The following ROCK1 variants were observed in gnomAD, a reference collection of about 807,000 sequenced individuals.
The protein encoded by ROCK1 is rho-associated protein kinase 1.
In ROCK1, 36 loss-of-function variants were observed where a neutral mutation model predicts 196.8. That is an observed-to-expected ratio of 0.18 (90% CI 0.14 to 0.24). ROCK1 has a LOEUF of 0.24. Among genes scored for constraint, ROCK1 ranks in the 10% least tolerant of loss-of-function variants. The pLI is 1.00. For synonymous variants in ROCK1, 443 were observed against 515.9 expected (o/e 0.86, Z 1.91); for missense variants, 920 against 1,562.0 (o/e 0.59, Z 6.93).
intron 22 of ROCK1, among the ~76,000 whole-genome samples, chr18:20,972,163 A>T (rs2035435303): frequency 6.6e-6 from 1 of 152,148 alleles, no homozygotes; most frequent in Non-Finnish European, 1.5e-5. Flanking sequence ...AAGTGATTAG[A>T]GTCTATACAT....
intron 11 of ROCK1, among the ~76,000 whole-genome samples, chr18:21,022,128 A>G (rs1240657179): frequency 6.6e-6 from 1 of 151,960 alleles, no homozygotes; most frequent in Non-Finnish European, 1.5e-5. Flanking sequence ...TGTTAAAAAT[A>G]TGTAGGCTTG....
intron 2 of ROCK1, among the ~76,000 whole-genome samples, chr18:21,062,510 T>A (rs2036300289): frequency 6.6e-6 from 1 of 152,108 alleles, no homozygotes. Context: ...GAAATAAATA[T>A]ATGCAGTTTA....
chr18:20,995,650 G>A (rs1410879655), intron 16 of ROCK1, among the ~76,000 whole-genome samples: 1 of 152,112 alleles, frequency 6.6e-6, no homozygotes, highest in Non-Finnish European at 1.5e-5. Context: ...CAGTGGTGGT[G>A]GCTACAAGGG....
chr18:21,068,320 A>T (rs1341268038), intron 2 of ROCK1, among the ~76,000 whole-genome samples: 1 of 152,186 alleles, frequency 6.6e-6, no homozygotes, highest in Non-Finnish European at 1.5e-5. Flanking sequence ...ACTTGCATGC[A>T]CAGGTCTATT....
intron 2 of ROCK1, among the ~76,000 whole-genome samples, chr18:21,065,780 G>A (rs1257199806): frequency 1.3e-5 from 2 of 151,908 alleles, no homozygotes; most frequent in Non-Finnish European, 2.9e-5. Flanking sequence ...TATTATTTAG[G>A]TATCATACAC....
At chr18:20,953,422 A>G in intron 32 of ROCK1, 156 bp downstream of exon 32, 3 of 514,358 alleles carry the variant, frequency 5.8e-6, no homozygotes, top group Non-Finnish European at 1.0e-5. Context: ...TCTAACAAGA[A>G]TAAGTTAAAC....
chr18:21,062,229 T>C (rs754797688), intron 2 of ROCK1, among the ~76,000 whole-genome samples: 20 of 151,996 alleles, frequency 1.3e-4, no homozygotes, highest in Non-Finnish European at 1.8e-4. Context: ...AGGGAAAATA[T>C]AAGATGAGCC....
At chr18:20,984,773 T>A (rs1412923554) in intron 19 of ROCK1, among the ~76,000 whole-genome samples, 2 of 152,156 alleles carry the variant, frequency 1.3e-5, no homozygotes, top group Non-Finnish European at 2.9e-5. Flanking sequence ...TCTGGTTCCT[T>A]TCTACCCCAA....
chr18:21,052,378 C>CA (rs1404586271), intron 2 of ROCK1, among the ~76,000 whole-genome samples: 6 of 152,164 alleles, frequency 3.9e-5, no homozygotes, highest in African/African-American at 1.4e-4. Context: ...CACACCTACC[C>CA]AAATCTCAGG....
At chr18:20,959,069 T>A (rs1337896035) in intron 29 of ROCK1, among the ~76,000 whole-genome samples, 2 of 44,692 alleles carry the variant, frequency 4.5e-5, no homozygotes, top group African/African-American at 3.4e-4. Context: ...ATATTTTATA[T>A]TATATAATAT....
chr18:21,043,067 T>C lies in ROCK1; in HGVS notation c.676-358A>G, dbSNP rs150173691. On this transcript the variant is annotated intron_variant, in intron 6 of 32. Transcript: ENST00000399799. ...TATTCCCCAAGTTGTGCCAATATCA[T>C]GAAACCATTTAACTGCTGAGAACAA... Among the ~76,000 whole-genome samples the C allele has an allele frequency of 2.0e-3, 307 of 152,224 alleles. 2 individuals carry two copies. The highest frequency in any genetic ancestry group is 6.9e-3 in the African/African-American group (286 of 41,538).
At chr18:21,063,272 G>T (rs1211501481) in intron 2 of ROCK1, among the ~76,000 whole-genome samples, 3 of 151,934 alleles carry the variant, frequency 2.0e-5, no homozygotes, top group Non-Finnish European at 4.4e-5. Flanking sequence ...ACCACAGCAG[G>T]TACCAATTAA....
intron 18 of ROCK1, among the ~76,000 whole-genome samples, chr18:20,988,752 C>A (rs897121647): frequency 2.6e-5 from 4 of 152,140 alleles, no homozygotes; most frequent in Non-Finnish European, 4.4e-5. Context: ...TCAAAACAAT[C>A]ATATTAATAT....
intron 1 of ROCK1, among the ~76,000 whole-genome samples, chr18:21,093,873 T>C (rs1485694999): frequency 6.6e-6 from 1 of 151,850 alleles, no homozygotes; most frequent in Non-Finnish European, 1.5e-5. Flanking sequence ...GGAGGATCGC[T>C]TGAACCTGGG....
At chr18:21,006,835 AG>A in intron 14 of ROCK1, 45 bp from the exon 15 acceptor site, 1 of 1,254,854 alleles carries the variant, frequency 8.0e-7, no homozygotes, top group South Asian at 1.4e-5. Flanking sequence ...ACATTTTCAT[AG>A]GGGAAACATA....
rs2035390133 is a variant in ROCK1, at chr18:20,967,994, A to G, written c.3004-54T>C. On this transcript the variant is annotated intron_variant, in intron 25 of 32. Transcript: ENST00000399799. ...TAGTGTAGTCATCCAATTTAATACTAAAATGTATTTTTTTCTTCAAAATCA... is the reference window on the plus strand; with the variant it reads ...TAGTGTAGTCATCCAATTTAATACTGAAATGTATTTTTTTCTTCAAAATCA... 5 of 1,297,394 alleles carry G rather than the reference A, an allele frequency of 3.9e-6. No homozygotes were observed. In the South Asian group the frequency reaches 8.9e-5, roughly 23 times the overall value. 80.4% of individuals were successfully genotyped at this position (1,297,394 alleles called of 1,614,324 possible).
chr18:20,968,505 G>C (rs2035395830), intron 25 of ROCK1: 2 of 316,268 alleles, frequency 6.3e-6, no homozygotes, highest in African/African-American at 2.2e-5. Context: ...CTGGGGTTTC[G>C]ATGTCAGCCA....
At chr18:21,008,011 T>C (rs1318738912) in intron 14 of ROCK1, 48 bp downstream of exon 14, 20 of 1,451,406 alleles carry the variant, frequency 1.4e-5, no homozygotes, top group Non-Finnish European at 1.9e-5. Context: ...GACAACCTCA[T>C]GACAGTGTTA....
intron 16 of ROCK1, among the ~76,000 whole-genome samples, chr18:21,001,301 G>A (rs2035721998): frequency 6.6e-6 from 1 of 152,150 alleles, no homozygotes. Flanking sequence ...GCAGCTTAAT[G>A]GATCCTATTT....
Sources: gnomAD v4.1 joint callset for allele counts (sites outside exome capture counted in the v4.1 genomes callset) on GRCh38, gnomAD v4.1.1 for gene constraint, MANE v1.5 for transcripts, NCBI Gene and HGNC (gene_info 2026-07-23, HGNC 2026-07-21) for gene names.